SERPINI1: variants seen among roughly 807,000 people sequenced by gnomAD.
SERPINI1 encodes the protein serpin family I member 1, also known as neuroserpin.
Under a neutral mutation model 41.1 loss-of-function variants are expected in SERPINI1, and 19 were observed. The observed-to-expected ratio is 0.46, with a 90% CI of 0.32 to 0.68. The LOEUF is 0.68. SERPINI1 is among the 30% of genes least tolerant of loss of function. The pLI is 0.03. For missense variants in SERPINI1, 460 were observed against 479.2 expected (o/e 0.96, Z 0.37); for synonymous variants, 138 against 156.6 (o/e 0.88, Z 0.89).
At chr3:167,771,290 A>G (rs1053941385) in intron 1 of SERPINI1, among the ~76,000 whole-genome samples, 1 of 152,026 alleles carries the variant, frequency 6.6e-6, no homozygotes, top group Non-Finnish European at 1.5e-5. Flanking sequence ...GTGGAAGACT[A>G]ATTAAATAAA....
chr3:167,739,036 A>G (rs1725577320), intron 1 of SERPINI1, among the ~76,000 whole-genome samples: 2 of 151,966 alleles, frequency 1.3e-5, no homozygotes, highest in Admixed American at 6.5e-5. Flanking sequence ...TAATTAAGCA[A>G]ATTCCAAAGG....
chr3:167,748,336 A>G (rs1483040938), intron 1 of SERPINI1, among the ~76,000 whole-genome samples: 1 of 152,254 alleles, frequency 6.6e-6, no homozygotes, highest in Non-Finnish European at 1.5e-5. Context: ...TAAGGCAGCT[A>G]TATTTGTATA....
chr3:167,790,270 T>C, intron 2 of SERPINI1, 102 bp from the exon 3 acceptor site: 1 of 826,960 alleles, frequency 1.2e-6, no homozygotes, highest in Non-Finnish European at 2.1e-6. Flanking sequence ...CCCAGGTGCC[T>C]GTTTGGTTAA....
chr3:167,788,527 C>T (rs543596353), intron 1 of SERPINI1, among the ~76,000 whole-genome samples: 5 of 152,134 alleles, frequency 3.3e-5, no homozygotes, highest in African/African-American at 1.2e-4. Context: ...GGAACCAATA[C>T]GTGAGGAACA....
At chr3:167,781,676 C>T (rs572918873) in intron 1 of SERPINI1, among the ~76,000 whole-genome samples, 1 of 143,502 alleles carries the variant, frequency 7.0e-6, no homozygotes, top group Non-Finnish European at 1.5e-5. Context: ...GAAAGGGCCT[C>T]CCTCAAGCAT....
chr3:167,802,315 A>C (rs1727926403), intron 5 of SERPINI1, among the ~76,000 whole-genome samples: 1 of 151,820 alleles, frequency 6.6e-6, no homozygotes, highest in Admixed American at 6.6e-5. Flanking sequence ...ACAGCAAAAC[A>C]AACTACCATC....
chr3:167,806,074 A>G (rs1250693413), intron 5 of SERPINI1, among the ~76,000 whole-genome samples: 5 of 152,180 alleles, frequency 3.3e-5, no homozygotes, highest in African/African-American at 1.2e-4. Flanking sequence ...AACCAACCCA[A>G]ATGTCCATCA....
At chr3:167,762,128 A>G (rs1057244905) in intron 1 of SERPINI1, among the ~76,000 whole-genome samples, 2 of 152,026 alleles carry the variant, frequency 1.3e-5, no homozygotes, top group African/African-American at 2.4e-5. Flanking sequence ...TTCCACACTC[A>G]CTACCACTTG....
chr3:167,739,108 TTTC>T (rs1479783415), intron 1 of SERPINI1, among the ~76,000 whole-genome samples: 3 of 150,380 alleles, frequency 2.0e-5, no homozygotes, highest in Admixed American at 1.3e-4. Flanking sequence ...TTTTTTGTTG[TTTC>T]TTTTTTTTTT....
chr3:167,741,908 A>G (rs556949356), intron 1 of SERPINI1, among the ~76,000 whole-genome samples: 4 of 151,214 alleles, frequency 2.6e-5, no homozygotes, highest in South Asian at 4.1e-4. Context: ...GCTTTGGTAA[A>G]TTACGAAACT....
intron 6 of SERPINI1, among the ~76,000 whole-genome samples, chr3:167,816,495 A>G (rs1174148351): frequency 6.6e-6 from 1 of 152,236 alleles, no homozygotes; most frequent in Non-Finnish European, 1.5e-5. Context: ...AATCCTGTCT[A>G]TGACAGTATA....
intron 1 of SERPINI1, among the ~76,000 whole-genome samples, chr3:167,778,022 T>C (rs1727015898): frequency 6.6e-6 from 1 of 152,194 alleles, no homozygotes; most frequent in African/African-American, 2.4e-5. Context: ...ATGACCCTCA[T>C]CTGATGCTGG....
intron 8 of SERPINI1, among the ~76,000 whole-genome samples, 167 bp from the exon 9 acceptor site, chr3:167,825,080 G>A (rs766992125): frequency 8.6e-5 from 13 of 150,692 alleles, no homozygotes; most frequent in Non-Finnish European, 1.2e-4. Flanking sequence ...GAAAGGGAAA[G>A]GGAAAAGGAA....
chr3:167,745,189 A>G (rs999554742), intron 1 of SERPINI1, among the ~76,000 whole-genome samples: 4 of 151,882 alleles, frequency 2.6e-5, no homozygotes, highest in African/African-American at 9.7e-5. Context: ...ACAAAATACT[A>G]GCAACCAAAT....
At chr3:167,785,789 T>C (rs1727283720) in intron 1 of SERPINI1, among the ~76,000 whole-genome samples, 1 of 152,356 alleles carries the variant, frequency 6.6e-6, no homozygotes, top group East Asian at 1.9e-4. Flanking sequence ...TTTATACAAA[T>C]ACAATATTTT....
At chr3:167,760,711 A>G (rs1439413342) in intron 1 of SERPINI1, among the ~76,000 whole-genome samples, 5 of 152,150 alleles carry the variant, frequency 3.3e-5, no homozygotes, top group Non-Finnish European at 5.9e-5. Flanking sequence ...TACGCAATTC[A>G]GATTACCTGA....
At chr3:167,807,479 C>T in intron 6 of SERPINI1, 138 bp downstream of exon 6, 1 of 630,464 alleles carries the variant, frequency 1.6e-6, no homozygotes, top group East Asian at 2.8e-5. Context: ...GCATGAAATA[C>T]ATTTAACCTC....
chr3:167,737,113 T>G lies in SERPINI1; in HGVS notation c.-19+1290T>G, dbSNP rs572680628. Among the ~76,000 whole-genome samples the G allele has an allele frequency of 2.5e-3, 374 of 152,288 alleles. 2 individuals carry two copies. Among genetic ancestry groups the G allele is most frequent in the African/African-American group, 8.3e-3 (345 of 41,564 alleles). On this transcript the variant is annotated intron_variant, in intron 1 of 8. Transcript: ENST00000446050. ...GGGATTTTAAATTTTATTTTTGTAA[T>G]GCATCCCAAATTTCTTTTTGAAAAG...
intron 2 of SERPINI1, 43 bp downstream of exon 2, chr3:167,789,421 A>G (rs749530635): frequency 6.2e-7 from 1 of 1,610,292 alleles, no homozygotes; most frequent in Non-Finnish European, 8.5e-7. Context: ...TTTGAATTTG[A>G]CTTTGACTCA....
Sources: allele counts gnomAD v4.1 joint callset (sites outside exome capture counted in the v4.1 genomes callset), GRCh38; gene constraint gnomAD v4.1.1; transcripts MANE v1.5; gene names NCBI Gene and HGNC (gene_info 2026-07-23, HGNC 2026-07-21).